The following DYNC2H1 variants were observed in gnomAD, a reference collection of about 807,000 sequenced individuals.
DYNC2H1 encodes the protein cytoplasmic dynein 2 heavy chain 1.
Under a neutral mutation model 570.0 loss-of-function variants are expected in DYNC2H1, and 410 were observed. The ratio of observed to expected loss-of-function variants is 0.72; its 90% CI spans 0.66 to 0.78. DYNC2H1 has a LOEUF of 0.78. Among genes scored for constraint, DYNC2H1 ranks in the 30% least tolerant of loss-of-function variants. DYNC2H1 has a pLI of 0.00. For synonymous variants in DYNC2H1, 1,688 were observed against 1,677.6 expected (o/e 1.01, Z -0.15); for missense variants, 4,865 against 5,046.4 (o/e 0.96, Z 1.09).
chr11:103,215,566 A>G (rs936344669), intron 54 of DYNC2H1, among the ~76,000 whole-genome samples, 155 bp from the exon 55 acceptor site: 11 of 152,194 alleles, frequency 7.2e-5, no homozygotes, highest in Non-Finnish European at 1.5e-4. Flanking sequence ...ATAAATTGTT[A>G]TAATTAGCAA....
intron 85 of DYNC2H1, 138 bp downstream of exon 85, chr11:103,436,170 T>C (rs1427266283): frequency 1.5e-6 from 1 of 684,248 alleles, no homozygotes; most frequent in Non-Finnish European, 2.3e-6. Flanking sequence ...TATTCTGCCA[T>C]TTGTTATTTT....
chr11:103,146,841 C>T (rs760021875), intron 18 of DYNC2H1, among the ~76,000 whole-genome samples: 6 of 152,218 alleles, frequency 3.9e-5, no homozygotes, highest in Middle Eastern at 3.4e-3. Flanking sequence ...TGACCTCAGG[C>T]GATCCACCTG....
At chr11:103,235,880 T>G (rs567079091) in intron 62 of DYNC2H1, 67 bp downstream of exon 62, 2 of 1,580,534 alleles carry the variant, frequency 1.3e-6, no homozygotes, top group East Asian at 4.5e-5. Context: ...AAAATTTCAA[T>G]ATACTAAAAA....
intron 40 of DYNC2H1, among the ~76,000 whole-genome samples, chr11:103,183,525 TA>T (rs1861938218): frequency 6.6e-6 from 1 of 151,880 alleles, no homozygotes; most frequent in Non-Finnish European, 1.5e-5. Context: ...CTTTTCTTTT[TA>T]TCCTGTATTT....
Position 103,209,912 on chromosome 11 carries a change from GA to G in DYNC2H1, c.8496del (p.Lys2832AsnfsTer21). The G allele has an allele frequency of 6.7e-7, 1 of 1,491,622 alleles. No homozygotes were observed. The allele number at this position is 1,491,622 out of a possible 1,614,324, so 92.4% of individuals were successfully genotyped here. A position where few individuals can be genotyped will look rare whatever the true frequency, so the allele number is the denominator to read the frequency against. On this transcript the variant is annotated frameshift_variant, in exon 53 of 89. Coordinates refer to ENST00000375735, the MANE Select transcript of DYNC2H1 (RefSeq NM_001377.3). LOFTEE classifies it high-confidence loss of function. This position sits in a 1 kb window ranked among gnomAD's most constrained non-coding sequence, Gnocchi z 4.2. The stretch of plus-strand genomic sequence containing the variant: ...GTTATTCAGTGAAACAGGTGGTGGA[GA>G]AAAATACAATGATAAAAAACGAAAA... ...EMLFSETGGG[E>X]KYNDKKRKEE...
intron 85 of DYNC2H1, 191 bp from the exon 86 acceptor site, chr11:103,454,995 G>T: frequency 2.0e-6 from 1 of 501,282 alleles, no homozygotes; most frequent in East Asian, 3.1e-5. Context: ...TCGTATTTAA[G>T]ATGGATGGAT....
At chr11:103,347,516 AAAC>A (rs149195899) in intron 82 of DYNC2H1, among the ~76,000 whole-genome samples, 32,874 of 151,940 alleles carry the variant, frequency 0.22, 3,680 homozygotes, top group Admixed American at 0.31. Context: ...TAAGGAATAA[AAAC>A]AAGAGGGAGA....
intron 78 of DYNC2H1, among the ~76,000 whole-genome samples, chr11:103,309,183 T>TTTTTTTTTTG: frequency 8.3e-6 from 1 of 120,426 alleles, no homozygotes. Context: ...TTTTTTTTTT[T>TTTTTTTTTTG]TTTTTTTTTG....
chr11:103,126,407 T>G (rs1282060744), intron 12 of DYNC2H1, among the ~76,000 whole-genome samples: 1 of 152,186 alleles, frequency 6.6e-6, no homozygotes, highest in African/African-American at 2.4e-5. Context: ...ATACTCTGCT[T>G]TGGTTGAGAA....
At chr11:103,124,180 T>A (rs1388442905) in intron 11 of DYNC2H1, among the ~76,000 whole-genome samples, 2 of 152,030 alleles carry the variant, frequency 1.3e-5, no homozygotes, top group African/African-American at 2.4e-5. Flanking sequence ...TGTGGTGGCT[T>A]ATGCCTGTAA....
At chr11:103,208,695 A>G (rs11823510) in intron 52 of DYNC2H1, among the ~76,000 whole-genome samples, 3,458 of 152,288 alleles carry the variant, frequency 0.023, 114 homozygotes, top group African/African-American at 0.077. Context: ...GATAGGATCC[A>G]TCAGTTTTGG....
chr11:103,237,723 C>A, intron 63 of DYNC2H1, among the ~76,000 whole-genome samples: 1 of 117,642 alleles, frequency 8.5e-6, no homozygotes, highest in Admixed American at 9.9e-5. Flanking sequence ...TCCAAGAAAG[C>A]AATTGATTGC....
chr11:103,178,646 G>T (rs1861724739), intron 38 of DYNC2H1, among the ~76,000 whole-genome samples: 1 of 151,946 alleles, frequency 6.6e-6, no homozygotes, highest in Admixed American at 6.6e-5. Flanking sequence ...TTTGACAGTG[G>T]TGAATTTTTT....
chr11:103,276,505 G>A (rs891050807), intron 70 of DYNC2H1, among the ~76,000 whole-genome samples: 1 of 151,988 alleles, frequency 6.6e-6, no homozygotes, highest in Non-Finnish European at 1.5e-5. Context: ...TAAACATTTA[G>A]TGGGTTTTTT....
At chr11:103,197,504 G>A (rs1466421135) in intron 47 of DYNC2H1, among the ~76,000 whole-genome samples, 2 of 152,096 alleles carry the variant, frequency 1.3e-5, no homozygotes, top group African/African-American at 4.8e-5. Flanking sequence ...CTGGAGTGCG[G>A]TGGTGCAATC....
At chr11:103,393,697 T>A (rs1942269373) in intron 83 of DYNC2H1, among the ~76,000 whole-genome samples, 1 of 152,188 alleles carries the variant, frequency 6.6e-6, no homozygotes. Context: ...TACTCCTGTA[T>A]TAGTCCATTT....
chr11:103,232,927 T>A (rs1864071820), intron 60 of DYNC2H1, among the ~76,000 whole-genome samples: 1 of 152,036 alleles, frequency 6.6e-6, no homozygotes, highest in Non-Finnish European at 1.5e-5. Flanking sequence ...CCAATAGTCA[T>A]ATGCAGTTAC....
In DYNC2H1 at chr11:103,380,602, C is replaced by T. The variant is rs373562830; in HGVS notation, c.12157-19061C>T. Among the ~76,000 whole-genome samples the T allele has an allele frequency of 2.4e-4, 36 of 152,138 alleles. No individual in the cohort carries two copies. The East Asian group carries it at 5.6e-3, about 24-fold the overall frequency. On this transcript the variant is annotated intron_variant, in intron 83 of 88. Transcript: ENST00000375735. ...TTGAGATGGGGTCTCCCTCTGTCAC[C>T]CAGGGTGGAGTACAGTGGTGCGATC...
intron 83 of DYNC2H1, among the ~76,000 whole-genome samples, chr11:103,387,264 T>A (rs1287736339): frequency 6.6e-6 from 1 of 152,214 alleles, no homozygotes; most frequent in Non-Finnish European, 1.5e-5. Flanking sequence ...ATGATGAGCA[T>A]TTTTTCATGT....
Sources: gnomAD v4.1 joint callset for allele counts (sites outside exome capture counted in the v4.1 genomes callset) on GRCh38, gnomAD v4.1.1 for gene constraint, Gnocchi (gnomAD v3.1) non-coding constraint, MANE v1.5 for transcripts, NCBI Gene and HGNC (gene_info 2026-07-23, HGNC 2026-07-21) for gene names.